The following HS6ST2 variants were observed in gnomAD, a reference collection of about 807,000 sequenced individuals.
The protein encoded by HS6ST2 is heparan-sulfate 6-O-sulfotransferase 2.
Under a neutral mutation model 33.0 loss-of-function variants are expected in HS6ST2, and 17 were observed. That is an observed-to-expected ratio of 0.52 (90% CI 0.35 to 0.77). The LOEUF is 0.77. HS6ST2 is among the 30% of genes least tolerant of loss of function. HS6ST2 has a pLI of 0.01. For missense variants in HS6ST2, 519 were observed against 551.7 expected (o/e 0.94, Z 0.59); for synonymous variants, 248 against 237.1 (o/e 1.05, Z -0.42).
chrX:132,890,251 C>G (rs1029888235), intron 2 of HS6ST2, among the ~76,000 whole-genome samples: 2 of 109,150 alleles, frequency 1.8e-5, no homozygotes, highest in Non-Finnish European at 3.8e-5. Flanking sequence ...GAAGAAGAAA[C>G]TGAGACTAGA....
At chrX:132,750,422 G>A (rs1387011884) in intron 2 of HS6ST2, among the ~76,000 whole-genome samples, 4 of 109,202 alleles carry the variant, frequency 3.7e-5, no homozygotes, top group African/African-American at 1.3e-4. Context: ...CACACCAACA[G>A]GAAATGGGGT....
intron 2 of HS6ST2, among the ~76,000 whole-genome samples, chrX:132,929,181 G>A (rs992095464): frequency 5.4e-5 from 6 of 111,393 alleles, no homozygotes; most frequent in South Asian, 3.8e-4. Context: ...CTAAAATTAG[G>A]TGAGTGCAAC....
chrX:132,900,922 G>C (rs1219849629), intron 2 of HS6ST2, among the ~76,000 whole-genome samples: 1 of 111,801 alleles, frequency 8.9e-6, no homozygotes, highest in Non-Finnish European at 1.9e-5. Flanking sequence ...AAAAGACTCT[G>C]CCTTCTCTCT....
At chrX:132,944,984 A>G (rs1353200888) in intron 2 of HS6ST2, among the ~76,000 whole-genome samples, 1 of 112,187 alleles carries the variant, frequency 8.9e-6, no homozygotes, top group African/African-American at 3.2e-5. Flanking sequence ...CAATGACAAC[A>G]AAAGCCAAAA....
intron 2 of HS6ST2, among the ~76,000 whole-genome samples, chrX:132,731,896 G>A (rs1218461603): frequency 2.7e-5 from 3 of 110,293 alleles, no homozygotes; most frequent in Non-Finnish European, 1.9e-5. Flanking sequence ...CACACTCCGT[G>A]GTTCTATAGC....
At chrX:132,898,920 A>G (rs745980503) in intron 2 of HS6ST2, among the ~76,000 whole-genome samples, 8 of 111,073 alleles carry the variant, frequency 7.2e-5, no homozygotes, top group Non-Finnish European at 1.3e-4. Flanking sequence ...TGCTAAAAAA[A>G]GAAAAAGTAG....
chrX:132,629,169 G>A (rs2063500458), intron 4 of HS6ST2, 76 bp from the exon 5 acceptor site: 2 of 1,063,274 alleles, frequency 1.9e-6, no homozygotes, highest in East Asian at 3.3e-5. Context: ...CATGGCATAT[G>A]TGGTGTTCAC....
At chrX:132,889,881 T>A (rs769074841) in intron 2 of HS6ST2, among the ~76,000 whole-genome samples, 135 of 111,745 alleles carry the variant, frequency 1.2e-3, no homozygotes, top group Non-Finnish European at 2.2e-3. Context: ...TTGCCTGACT[T>A]CAAACTATAC....
chrX:132,648,988 C>T (rs1004343503), intron 4 of HS6ST2, among the ~76,000 whole-genome samples: 2 of 112,105 alleles, frequency 1.8e-5, no homozygotes, highest in Non-Finnish European at 3.8e-5. Flanking sequence ...ATGTTAGCCT[C>T]GGCATATCAA....
intron 2 of HS6ST2, among the ~76,000 whole-genome samples, chrX:132,949,704 A>G (rs779508737): frequency 4.5e-5 from 5 of 111,646 alleles, no homozygotes; most frequent in Non-Finnish European, 7.5e-5. Context: ...TTGTTATTAT[A>G]TAAGTAATGT....
At chrX:132,822,874 G>T (rs147247442) in intron 2 of HS6ST2, among the ~76,000 whole-genome samples, 1 of 111,943 alleles carries the variant, frequency 8.9e-6, no homozygotes, top group African/African-American at 3.3e-5. Context: ...CAAGATTCTC[G>T]TCTGGAAGGA....
chrX:132,958,538 GGC>G lies in HS6ST2; in HGVS notation c.63_64del (p.Pro22ArgfsTer34). 2 of 1,184,261 alleles carry G rather than the reference GGC, an allele frequency of 1.7e-6. No individual in the cohort carries two copies. Among genetic ancestry groups the G allele is most frequent in the African/African-American group, 1.7e-5 (1 of 57,262 alleles). On this transcript the variant is annotated frameshift_variant, in exon 1 of 5. Transcript: ENST00000370833. LOFTEE classifies it high-confidence loss of function. ...CCGGCGGGGACAGGTGGTGCGGACG[GGC>G]GCTCCTCGCTCCGGTTGCCGCGGCG... is the stretch of plus-strand genomic sequence containing the variant.
chrX:132,882,948 A>C (rs1355407242), intron 2 of HS6ST2, among the ~76,000 whole-genome samples: 1 of 111,525 alleles, frequency 9.0e-6, no homozygotes, highest in Non-Finnish European at 1.9e-5. Context: ...GCATATGTTG[A>C]ACCAGCCTTG....
chrX:132,886,724 A>G (rs1461583396), intron 2 of HS6ST2, among the ~76,000 whole-genome samples: 1 of 111,460 alleles, frequency 9.0e-6, no homozygotes, highest in East Asian at 2.8e-4. Context: ...AAGACAGGAT[A>G]GAAAAATCTA....
At chrX:132,958,790 A>G (rs185348681), upstream of HS6ST2, 26 of 387,713 alleles carry the variant, frequency 6.7e-5, no homozygotes, top group Middle Eastern at 7.2e-4. Context: ...AACCTCTCCT[A>G]AAATAGCAAA....
At chrX:132,645,205 C>T (rs1207426304) in intron 4 of HS6ST2, among the ~76,000 whole-genome samples, 1 of 112,373 alleles carries the variant, frequency 8.9e-6, no homozygotes, top group African/African-American at 3.2e-5. Flanking sequence ...GAAGCATTTC[C>T]ATTTTAAAGG....
chrX:132,945,078 T>C (rs943531961), intron 2 of HS6ST2, among the ~76,000 whole-genome samples: 1 of 111,174 alleles, frequency 9.0e-6, no homozygotes, highest in African/African-American at 3.3e-5. Context: ...ACCTACAGAA[T>C]GGGGGAAAAT....
At chrX:132,845,327 C>A (rs2065742464) in intron 2 of HS6ST2, among the ~76,000 whole-genome samples, 1 of 110,177 alleles carries the variant, frequency 9.1e-6, no homozygotes, top group Non-Finnish European at 1.9e-5. Flanking sequence ...ATAATATAAG[C>A]AGCTGAAATG....
chrX:132,664,869 G>A (rs777096999), intron 4 of HS6ST2, among the ~76,000 whole-genome samples: 19 of 111,873 alleles, frequency 1.7e-4, no homozygotes, highest in African/African-American at 3.3e-4. Flanking sequence ...AATGTCATAC[G>A]TAGATGTAGA....
Sources: allele counts gnomAD v4.1 joint callset (sites outside exome capture counted in the v4.1 genomes callset), GRCh38; gene constraint gnomAD v4.1.1; transcripts MANE v1.5; gene names NCBI Gene and HGNC (gene_info 2026-07-23, HGNC 2026-07-21).